The following ADAM7 variants were observed in gnomAD, a reference collection of about 807,000 sequenced individuals.
The protein encoded by ADAM7 is ADAM metallopeptidase domain 7.
Under a neutral mutation model 102.9 loss-of-function variants are expected in ADAM7, and 97 were observed. The observed-to-expected ratio is 0.94, with a 90% CI of 0.80 to 1.12. The LOEUF (loss-of-function observed/expected upper bound fraction) is 1.12, where lower values mean the gene tolerates loss of function less well. ADAM7 is among the 50% of genes most tolerant of loss of function. ADAM7 has a pLI of 0.00. For missense variants in ADAM7, 991 were observed against 908.7 expected, an observed-to-expected ratio of 1.09 and a Z score of -1.16; for synonymous variants, 334 against 304.4, an observed-to-expected ratio of 1.10 and a Z score of -1.01.
chr8:24,452,502 G>T (rs1585856894), intron 3 of ADAM7, among the ~76,000 whole-genome samples: 1 of 151,824 alleles, frequency 6.6e-6, no homozygotes, highest in Admixed American at 6.6e-5. Context: ...CCGTTTGTTT[G>T]GTAGATCTTC....
chr8:24,467,062 A>G (rs756537927), intron 6 of ADAM7, 74 bp downstream of exon 6: 1 of 1,386,372 alleles, frequency 7.2e-7, no homozygotes, highest in Non-Finnish European at 1.0e-6. Flanking sequence ...GGGATAAAGT[A>G]TGAGTCCAGT....
intron 5 of ADAM7, among the ~76,000 whole-genome samples, 189 bp from the exon 6 acceptor site, chr8:24,466,610 C>T (rs1188011964): frequency 6.6e-6 from 1 of 152,120 alleles, no homozygotes; most frequent in African/African-American, 2.4e-5. Flanking sequence ...AGTAAGTTGA[C>T]TCTTAGAAAA....
intron 16 of ADAM7, 51 bp downstream of exon 16, chr8:24,493,280 A>T: frequency 6.8e-7 from 1 of 1,474,864 alleles, no homozygotes; most frequent in Non-Finnish European, 9.0e-7. Context: ...CAATCCTTTA[A>T]AAACATTACT....
At chr8:24,448,537 T>C (rs189375495) in intron 3 of ADAM7, among the ~76,000 whole-genome samples, 3 of 152,268 alleles carry the variant, frequency 2.0e-5, no homozygotes, top group Non-Finnish European at 2.9e-5. Context: ...TATTATGTGA[T>C]TGGATGTTTT....
chr8:24,493,084 T>A lies in ADAM7; in HGVS notation c.1697T>A (p.Leu566His). 6.2e-7 allele frequency: 1 copy of A among 1,610,186 alleles called. No homozygotes were observed. The highest frequency in any genetic ancestry group is 1.3e-5 in the African/African-American group (1 of 74,712). ...AAGATCTACTGCACTGGAGGGGAGC[T>A]TTCCTCTCTCCTTGGAGAAGACAAG... is the stretch of plus-strand genomic sequence containing the variant. ...CGKIYCTGGE[L>H]SSLLGEDKTY... Residue 566 changes from leucine to histidine, a missense_variant, in exon 16 of 22, where the codon CTT becomes CAT. By Grantham distance (99) the Leu-to-His change is moderately conservative. Coordinates refer to ENST00000175238, the MANE Select transcript of ADAM7 (RefSeq NM_003817.4).
At chr8:24,457,362 G>A (rs983202781) in intron 3 of ADAM7, among the ~76,000 whole-genome samples, 2 of 151,900 alleles carry the variant, frequency 1.3e-5, no homozygotes, top group African/African-American at 4.8e-5. Context: ...TGCAACCTCT[G>A]CCTCCTGGGC....
chr8:24,500,079 T>C, intron 17 of ADAM7, 99 bp from the exon 18 acceptor site: 3 of 976,088 alleles, frequency 3.1e-6, no homozygotes, highest in South Asian at 4.0e-5. Context: ...TGTGCTTGTG[T>C]GCATGTATGT....
At chr8:24,441,312 A>G in intron 1 of ADAM7, 152 bp downstream of exon 1, 1 of 735,532 alleles carries the variant, frequency 1.4e-6, no homozygotes, top group South Asian at 1.7e-5. Flanking sequence ...ATGAGACTCC[A>G]TGCATCTGTG....
rs538459445 is a variant in ADAM7, at chr8:24,446,959, A to G, written c.157-227A>G. Among the ~76,000 whole-genome samples, 7 of 150,776 alleles carry G rather than the reference A, an allele frequency of 4.6e-5. No homozygotes were observed. The South Asian group carries it at 1.5e-3, about 31-fold the overall frequency. The stretch of plus-strand genomic sequence containing the variant: ...ATAACTATATTTATATTTTATTCTA[A>G]TATAACTAGAAGAAATCTAGTTCTA... On this transcript the variant is annotated intron_variant, in intron 2 of 21. Coordinates refer to ENST00000175238, the MANE Select transcript of ADAM7 (RefSeq NM_003817.4).
intron 9 of ADAM7, 106 bp downstream of exon 9, chr8:24,482,417 G>T (rs1026170451): frequency 2.8e-5 from 32 of 1,146,264 alleles, no homozygotes; most frequent in Middle Eastern, 4.9e-4. Context: ...TGACTTTTGG[G>T]TAGCACACAG....
intron 9 of ADAM7, 31 bp from the exon 10 acceptor site, chr8:24,485,246 A>T: frequency 6.3e-7 from 1 of 1,590,398 alleles, no homozygotes; most frequent in African/African-American, 1.3e-5. Flanking sequence ...ACTAACTCAG[A>T]TTGAAGACTA....
intron 9 of ADAM7, among the ~76,000 whole-genome samples, chr8:24,482,898 T>C (rs1820009328): frequency 6.6e-6 from 1 of 152,170 alleles, no homozygotes; most frequent in Non-Finnish European, 1.5e-5. Context: ...TTAGAATCCA[T>C]GTTACATTTT....
At chr8:24,465,415 C>T (rs1819392156) in intron 4 of ADAM7, among the ~76,000 whole-genome samples, 1 of 152,112 alleles carries the variant, frequency 6.6e-6, no homozygotes, top group Admixed American at 6.6e-5. Flanking sequence ...AGGAAAAGGT[C>T]ACAATTCTAA....
chr8:24,476,944 G>T (rs1238548411), intron 8 of ADAM7, among the ~76,000 whole-genome samples: 2 of 152,070 alleles, frequency 1.3e-5, no homozygotes, highest in Admixed American at 1.3e-4. Context: ...TTAGAATGAG[G>T]TATATAACCC....
At chr8:24,470,847 T>G (rs916310155) in intron 7 of ADAM7, among the ~76,000 whole-genome samples, 1 of 152,234 alleles carries the variant, frequency 6.6e-6, no homozygotes, top group Non-Finnish European at 1.5e-5. Flanking sequence ...TGTTATTTTA[T>G]AGTGTACTCT....
In ADAM7 at chr8:24,454,419, C is replaced by G. The variant is rs551118135; in HGVS notation, c.233+7157C>G. ...GTTTGATCTCAGACTGCTGTGCTAG[C>G]AATCAGCAAGACTCCATGGGCGTAA... On this transcript the variant is annotated intron_variant, in intron 3 of 21. Transcript: ENST00000175238. 8.6e-3 allele frequency among the ~76,000 whole-genome samples: 1,310 copies of G among 152,296 alleles called. 6 individuals carry two copies. The highest frequency in any genetic ancestry group is 0.014 in the Non-Finnish European group (921 of 68,024).
intron 11 of ADAM7, among the ~76,000 whole-genome samples, chr8:24,488,438 G>A (rs954019469): frequency 3.9e-5 from 6 of 152,116 alleles, no homozygotes; most frequent in Non-Finnish European, 8.8e-5. Context: ...ATTAAATGGA[G>A]TAAAGTGACT....
intron 7 of ADAM7, among the ~76,000 whole-genome samples, chr8:24,473,483 T>C (rs546833572): frequency 2.6e-5 from 4 of 152,314 alleles, no homozygotes; most frequent in African/African-American, 9.6e-5. Flanking sequence ...GAGGTGAGGC[T>C]GCAATGTGCA....
intron 3 of ADAM7, among the ~76,000 whole-genome samples, chr8:24,452,116 T>A (rs1186878150): frequency 6.6e-6 from 1 of 150,946 alleles, no homozygotes; most frequent in Admixed American, 6.6e-5. Flanking sequence ...CTGAAAAAAA[T>A]GTATATTCTG....
Sources: gnomAD v4.1 joint callset for allele counts (sites outside exome capture counted in the v4.1 genomes callset) on GRCh38, gnomAD v4.1.1 for gene constraint, MANE v1.5 for transcripts, NCBI Gene and HGNC (gene_info 2026-07-23, HGNC 2026-07-21) for gene names.